ATP1A1: variants seen among roughly 807,000 people sequenced by gnomAD.
ATP1A1 encodes the protein sodium/potassium-transporting ATPase subunit alpha-1.
A neutral mutation model predicts 114.8 loss-of-function variants in ATP1A1; 14 were observed. That is an observed-to-expected ratio of 0.12 (90% CI 0.08 to 0.19). The LOEUF (loss-of-function observed/expected upper bound fraction) is 0.19. ATP1A1 is among the 10% of genes least tolerant of loss of function. The probability of loss-of-function intolerance (pLI) is 1.00; values close to 1 mark genes in which losing one functional copy is unlikely to be tolerated. For synonymous variants in ATP1A1, 471 were observed against 466.3 expected (o/e 1.01, Z -0.13); for missense variants, 524 against 1,290.7 (o/e 0.41, Z 9.10).
In ATP1A1 at chr1:116,384,268, G is replaced by A. The variant is rs1651935789; in HGVS notation, c.123+144G>A. ...GTACAGATCTCATCTAGTCGTAGAG[G>A]TTAATGTTGAACATATACTTTTTAA... is the stretch of plus-strand genomic sequence containing the variant. On this transcript the variant is annotated intron_variant, in intron 2 of 22. Transcript: ENST00000295598. The surrounding 1 kb of genome is among the most constrained non-coding windows in gnomAD (Gnocchi z 5.1). 2.9e-6 allele frequency: 2 copies of A among 696,072 alleles called. No individual in the cohort carries two copies. Among genetic ancestry groups the A allele is most frequent in the Non-Finnish European group, 4.7e-6 (2 of 425,760 alleles). 43.1% of individuals were successfully genotyped at this position (696,072 alleles called of 1,614,324 possible). A position where few individuals can be genotyped will look rare whatever the true frequency, so the allele number is the denominator to read the frequency against.
chr1:116,388,700 G>C lies in ATP1A1; in HGVS notation c.564G>C (p.Gly188=). 6.2e-7 allele frequency: 1 copy of C among 1,614,156 alleles called. No homozygotes were observed. The highest frequency in any genetic ancestry group is 8.5e-7 in the Non-Finnish European group (1 of 1,180,022). ...MSINAEEVVV[G]DLVEVKGGDR... is the part of the protein sequence containing the mutation. ...TAAATGCGGAGGAAGTTGTGGTTGGGGATCTGGTGGAAGTAAAAGGAGGAG... is the reference window on the plus strand; with the variant it reads ...TAAATGCGGAGGAAGTTGTGGTTGGCGATCTGGTGGAAGTAAAAGGAGGAG... Residue 188 remains glycine (G), a synonymous_variant, in exon 6 of 23, where the codon GGG becomes GGC. Coordinates refer to ENST00000295598, the MANE Select transcript of ATP1A1 (RefSeq NM_000701.8). This position sits in a 1 kb window ranked among gnomAD's most constrained non-coding sequence, Gnocchi z 5.6.
At position 116,388,133 on chromosome 1, in the gene ATP1A1, G is replaced by A; in HGVS notation, c.390G>A (p.Leu130=). The change falls in exon 5 of 23, where the codon CTG becomes CTA. Residue 130 remains leucine (L), a splice_region_variant and synonymous_variant. Transcript: ENST00000295598. The surrounding 1 kb of genome is among the most constrained non-coding windows in gnomAD (Gnocchi z 5.6). ...ATEEEPQNDN[L]YLGVVLSAVV... ...CTAACTTGTCTTTTCCCTTCCAGCT[G>A]TACCTGGGTGTGGTGCTATCAGCCG... 3 of 1,610,886 alleles carry A rather than the reference G, an allele frequency of 1.9e-6. No homozygotes were observed. The highest frequency in any genetic ancestry group is 1.1e-5 in the South Asian group (1 of 90,916).
At chr1:116,396,177 C>T (rs1413822488) in intron 13 of ATP1A1, among the ~76,000 whole-genome samples, 1 of 151,706 alleles carries the variant, frequency 6.6e-6, no homozygotes, top group Non-Finnish European at 1.5e-5. Context: ...ATTTTGAATT[C>T]TTGTCACATG....
At chr1:116,373,555 CG>C in intron 1 of ATP1A1, 32 bp downstream of exon 1, 1 of 1,433,300 alleles carries the variant, frequency 7.0e-7, no homozygotes, top group Non-Finnish European at 9.1e-7. Context: ...GGAGGGGGCT[CG>C]GGGAGCCCTC....
At chr1:116,373,797 A>C in intron 1 of ATP1A1, 1 of 1,092,870 alleles carries the variant, frequency 9.2e-7, no homozygotes, top group East Asian at 5.1e-5. Flanking sequence ...CGCGCCCCGG[A>C]GGCCGAGCGG....
In ATP1A1 at chr1:116,404,079, G is replaced by C; in HGVS notation, c.3043+104G>C. On this transcript the variant is annotated intron_variant, in intron 22 of 22. Coordinates refer to ENST00000295598, the MANE Select transcript of ATP1A1 (RefSeq NM_000701.8). This position sits in a 1 kb window ranked among gnomAD's most constrained non-coding sequence, Gnocchi z 4.8. ...GGTGTCTAGGCTCCCTCAGTGGTCA[G>C]TCTGATTAGCTAAGGTGACTGGACC... 1 of 1,126,588 alleles carries C rather than the reference G, an allele frequency of 8.9e-7. No individual in the cohort carries two copies. The highest frequency in any genetic ancestry group is 1.3e-6 in the Non-Finnish European group (1 of 772,424). 69.8% of individuals were successfully genotyped at this position (1,126,588 alleles called of 1,614,324 possible). A position where few individuals can be genotyped will look rare whatever the true frequency, so the allele number is the denominator to read the frequency against.
intron 1 of ATP1A1, among the ~76,000 whole-genome samples, chr1:116,379,717 T>C (rs918140942): frequency 3.3e-5 from 5 of 152,242 alleles, no homozygotes; most frequent in Admixed American, 3.3e-4. Flanking sequence ...GACCAAGTTA[T>C]AATAATAGCC....
intron 21 of ATP1A1, among the ~76,000 whole-genome samples, 195 bp from the exon 22 acceptor site, chr1:116,403,689 C>T (rs1271171508): frequency 6.6e-6 from 1 of 152,146 alleles, no homozygotes; most frequent in African/African-American, 2.4e-5. Context: ...GTCTCTAGGC[C>T]CTGGGCACAT....
chr1:116,401,033 G>A lies in ATP1A1; in HGVS notation c.2718+27G>A. On this transcript the variant is annotated intron_variant, in intron 19 of 22. Coordinates refer to ENST00000295598, the MANE Select transcript of ATP1A1 (RefSeq NM_000701.8). The surrounding 1 kb of genome is among the most constrained non-coding windows in gnomAD (Gnocchi z 4.7). ...TGAGTGGGCACCTCTGACCTGACCA[G>A]TGTCAGAGCTCCTCAAGCCCCAGAA... The A allele has an allele frequency of 6.2e-7, 1 of 1,613,616 alleles. No homozygotes were observed.
chr1:116,374,289 G>A lies in ATP1A1; in HGVS notation c.12+766G>A, dbSNP rs1213583837. 4 of 1,551,438 alleles carry A rather than the reference G, an allele frequency of 2.6e-6. No homozygotes were observed. In the East Asian group the frequency reaches 7.3e-5, roughly 28 times the overall value. On this transcript the variant is annotated intron_variant, in intron 1 of 22. Transcript: ENST00000295598. ...GGGCCACTTTCCGTAAACACAGGAT[G>A]CACCGATGGCAACTGGAGTTGTCAT...
At chr1:116,403,128 A>C (rs1653652614) in intron 21 of ATP1A1, among the ~76,000 whole-genome samples, 1 of 152,166 alleles carries the variant, frequency 6.6e-6, no homozygotes. Flanking sequence ...GGTTCTGCCC[A>C]ATTTTGGAAG....
chr1:116,401,857 T>G lies in ATP1A1; in HGVS notation c.2951+202T>G. The G allele has an allele frequency of 1.6e-6, 1 of 606,648 alleles. No homozygotes were observed. Among genetic ancestry groups the G allele is most frequent in the Non-Finnish European group, 2.9e-6 (1 of 344,608 alleles). The allele number at this position is 606,648 out of a possible 1,614,324, so 37.6% of individuals were successfully genotyped here. On this transcript the variant is annotated intron_variant, in intron 21 of 22. Transcript: ENST00000295598. This position sits in a 1 kb window ranked among gnomAD's most constrained non-coding sequence, Gnocchi z 4.7. ...AGGCTTCCATGATAGCAGCTAGTGT[T>G]TAGGATTTGGCCCAAGATAAGATAA...
chr1:116,386,749 A>G (rs932931618), intron 3 of ATP1A1, among the ~76,000 whole-genome samples: 8 of 152,194 alleles, frequency 5.3e-5, no homozygotes, highest in African/African-American at 1.9e-4. Context: ...TAAAATGCAC[A>G]TGGAGGTGAG....
chr1:116,375,527 A>G (rs556547843), intron 1 of ATP1A1, among the ~76,000 whole-genome samples: 15 of 152,396 alleles, frequency 9.8e-5, no homozygotes, highest in Admixed American at 5.2e-4. Flanking sequence ...ATGTCTTACA[A>G]CAAAATGTAT....
chr1:116,385,346 A>C lies in ATP1A1; in HGVS notation c.183+504A>C, dbSNP rs865813934. ...AAAAATTAAAGAAACCTTTTCATAA[A>C]ATAGGCGTTATGTATCCTTGTTATG... On this transcript the variant is annotated intron_variant, in intron 3 of 22. Transcript: ENST00000295598. This position sits in a 1 kb window ranked among gnomAD's most constrained non-coding sequence, Gnocchi z 4.3. 6.3e-6 allele frequency: 1 copy of C among 159,776 alleles called. No individual in the cohort carries two copies. The highest frequency in any genetic ancestry group is 1.4e-5 in the Non-Finnish European group (1 of 73,624). 9.9% of individuals were successfully genotyped at this position (159,776 alleles called of 1,614,324 possible). A position where few individuals can be genotyped will look rare whatever the true frequency, so the allele number is the denominator to read the frequency against.
chr1:116,378,024 A>C (rs1651482776), intron 1 of ATP1A1, among the ~76,000 whole-genome samples: 1 of 152,184 alleles, frequency 6.6e-6, no homozygotes, highest in Non-Finnish European at 1.5e-5. Context: ...GTATGAGAGG[A>C]AGTGTGTATT....
chr1:116,376,284 A>AG (rs1651362428), intron 1 of ATP1A1, among the ~76,000 whole-genome samples: 1 of 152,336 alleles, frequency 6.6e-6, no homozygotes, highest in South Asian at 2.1e-4. Context: ...TGAAGGTGGC[A>AG]GGGGGGATGC....
chr1:116,390,712 A>G, intron 9 of ATP1A1, 70 bp from the exon 10 acceptor site: 1 of 1,267,448 alleles, frequency 7.9e-7, no homozygotes, highest in South Asian at 1.2e-5. Flanking sequence ...GGACTTTAAT[A>G]GGAGAACTGA....
chr1:116,401,216 C>T lies in ATP1A1; in HGVS notation c.2805C>T (p.Val935=), dbSNP rs1432026451. The change falls in exon 20 of 23, where the codon GTC becomes GTT. Residue 935 remains valine (V), a synonymous_variant. Transcript: ENST00000295598. The surrounding 1 kb of genome is among the most constrained non-coding windows in gnomAD (Gnocchi z 4.7). ...SIVVVQWADL[V]ICKTRRNSVF... ...TGGTGGTGCAGTGGGCCGACTTGGT[C>T]ATCTGTAAGACCAGGAGGAATTCGG... 2 of 1,614,202 alleles carry T rather than the reference C, an allele frequency of 1.2e-6. No homozygotes were observed. The highest frequency in any genetic ancestry group is 1.7e-6 in the Non-Finnish European group (2 of 1,180,028).
Sources: gnomAD v4.1 joint callset for allele counts (sites outside exome capture counted in the v4.1 genomes callset) on GRCh38, gnomAD v4.1.1 for gene constraint, Gnocchi (gnomAD v3.1) non-coding constraint, MANE v1.5 for transcripts, NCBI Gene and HGNC (gene_info 2026-07-23, HGNC 2026-07-21) for gene names.